The following STK10 variants were observed in gnomAD, a reference collection of about 807,000 sequenced individuals.
The protein encoded by STK10 is serine/threonine-protein kinase 10.
In STK10, 78 loss-of-function variants were observed where a neutral mutation model predicts 113.8. That is an observed-to-expected ratio of 0.69 (90% CI 0.57 to 0.83). STK10 has a LOEUF of 0.83. Among genes scored for constraint, STK10 ranks in the 40% least tolerant of loss-of-function variants. The pLI is 0.00. For synonymous variants in STK10, 465 were observed against 494.7 expected (o/e 0.94, Z 0.80); for missense variants, 1,109 against 1,280.1 (o/e 0.87, Z 2.04).
chr5:172,159,658 C>T (rs1256504981), intron 1 of STK10, among the ~76,000 whole-genome samples: 1 of 151,304 alleles, frequency 6.6e-6, no homozygotes, highest in Non-Finnish European at 1.5e-5. Flanking sequence ...CTCATTTCTA[C>T]TAAAATACCA....
At position 172,061,141 on chromosome 5, in the gene STK10, CG is replaced by C; in HGVS notation, c.2209del (p.Arg737GlufsTer22). 1 of 1,610,368 alleles carries C rather than the reference CG, an allele frequency of 6.2e-7. No homozygotes were observed. Among genetic ancestry groups the C allele is most frequent in the Admixed American group, 1.7e-5 (1 of 59,330 alleles). ...CGCTGCCACTTGCACACCCCCACCT[CG>C]AAGGAGCTCCTGCTTCTTCATGAGG... ...ECLMKKQELL[R>X]DREAALWEME... On this transcript the variant is annotated frameshift_variant, in exon 14 of 19. Transcript: ENST00000176763. LOFTEE classifies it high-confidence loss of function.
At chr5:172,088,755 T>C (rs1398113008) in intron 10 of STK10, among the ~76,000 whole-genome samples, 1 of 152,122 alleles carries the variant, frequency 6.6e-6, no homozygotes, top group Non-Finnish European at 1.5e-5. Flanking sequence ...CAGACCCAGT[T>C]AGAATCTCAG....
chr5:172,053,927 CGGAA>C (rs1767688007), intron 17 of STK10, among the ~76,000 whole-genome samples: 1 of 152,202 alleles, frequency 6.6e-6, no homozygotes, highest in Admixed American at 6.5e-5. Context: ...AAAACGGATG[CGGAA>C]GGTGAATGGC....
intron 12 of STK10, among the ~76,000 whole-genome samples, chr5:172,068,884 CAA>C (rs57550509): frequency 7.9e-6 from 1 of 126,442 alleles, no homozygotes; most frequent in Admixed American, 7.9e-5. Context: ...GACTCTGCCT[CAA>C]AAAAAAAAAA....
rs377426324 is a variant in STK10 at position 172,056,585 on chromosome 5, C to T, written c.2337+764G>A. The stretch of plus-strand genomic sequence containing the variant: ...AAAAGAGCAAAAGAAAGACACACAC[C>T]GGGCAGGCACAGTGGCTCACGCCTG... On this transcript the variant is annotated intron_variant, in intron 15 of 18. Coordinates refer to ENST00000176763, the MANE Select transcript of STK10 (RefSeq NM_005990.4). Among the ~76,000 whole-genome samples, 10 of 152,014 alleles carry T rather than the reference C, an allele frequency of 6.6e-5. No individual in the cohort carries two copies. The South Asian group carries it at 1.9e-3, about 28-fold the overall frequency.
In STK10 at chr5:172,096,559, T is replaced by C. The variant is rs774847768; in HGVS notation, c.872A>G (p.His291Arg). 2 of 1,613,004 alleles carry C rather than the reference T, an allele frequency of 1.2e-6. No homozygotes were observed. Among genetic ancestry groups the C allele is most frequent in the Non-Finnish European group, 8.5e-7 (1 of 1,180,020 alleles). The change falls in exon 8 of 19, where the codon CAT becomes CGT. Residue 291 changes from histidine to arginine, a missense_variant and splice_region_variant. Transcript: ENST00000176763. ...ACTGGTGATGCTGCTGACGAAGGGATGCTGAGGGGGCAAGATGCACCCAGA... is the reference window on the plus strand; with the variant it reads ...ACTGGTGATGCTGCTGACGAAGGGACGCTGAGGGGGCAAGATGCACCCAGA... ...TRPSAAQLLE[H>R]PFVSSITSNK...
At chr5:172,124,763 T>C (rs1769583690) in intron 3 of STK10, among the ~76,000 whole-genome samples, 1 of 152,150 alleles carries the variant, frequency 6.6e-6, no homozygotes, top group Non-Finnish European at 1.5e-5. Flanking sequence ...CACAGGATAG[T>C]TGTATCCTGT....
At position 172,188,039 on chromosome 5, in the gene STK10, C is replaced by T; in HGVS notation, c.4G>A (p.Ala2Thr). 1 of 1,611,790 alleles carries T rather than the reference C, an allele frequency of 6.2e-7. No individual in the cohort carries two copies. The highest frequency in any genetic ancestry group is 8.5e-7 in the Non-Finnish European group (1 of 1,179,118). The change falls in exon 1 of 19, where the codon GCT becomes ACT. Residue 2 changes from alanine to threonine, a missense_variant. Physicochemically the swap from Ala to Thr is moderately conservative, Grantham distance 58. Around this residue, in one of 5 missense-constraint regions of STK10, gnomAD observed 57 missense variants for 53.6 expected, o/e 1.06. Transcript: ENST00000176763. The surrounding 1 kb of genome is among the most constrained non-coding windows in gnomAD (Gnocchi z 5.6). Reference protein sequence around the residue: MAFANFRRILRL... With the variant: MTFANFRRILRL... Reference sequence around the variant, plus strand: ...AGGATGCGGCGGAAATTGGCAAAAGCCATGGCCGGGGGCGCGGTGGCGCCG... The same window carrying T: ...AGGATGCGGCGGAAATTGGCAAAAGTCATGGCCGGGGGCGCGGTGGCGCCG...
intron 1 of STK10, among the ~76,000 whole-genome samples, chr5:172,183,226 G>C (rs1187649607): frequency 6.6e-6 from 1 of 151,960 alleles, no homozygotes; most frequent in Non-Finnish European, 1.5e-5. Flanking sequence ...ACAAAAAGAA[G>C]CAGAAAAATC....
In STK10 at chr5:172,156,769, C is replaced by T; in HGVS notation, c.176G>A (p.Gly59Asp). 6.2e-7 allele frequency: 1 copy of T among 1,613,922 alleles called. No individual in the cohort carries two copies. Among genetic ancestry groups the T allele is most frequent in the South Asian group, 1.1e-5 (1 of 91,068 alleles). The change falls in exon 2 of 19, where the codon GGT (glycine) becomes GAT (aspartate). Residue 59 changes from glycine to aspartate, a missense_variant. Physicochemically the swap from Gly to Asp is moderately conservative, Grantham distance 94 (BLOSUM62 -1). Transcript: ENST00000176763. ...AATGACTTTGGCCGCAGCCAAAGCA[C>T]CCGTCTCCTTATTCTTGGCCTGCAA... ...KVYKAKNKET[G>D]ALAAAKVIET...
chr5:172,124,850 T>A (rs910574341), intron 3 of STK10, among the ~76,000 whole-genome samples: 1 of 152,040 alleles, frequency 6.6e-6, no homozygotes, highest in African/African-American at 2.4e-5. Flanking sequence ...ATATGTTAAA[T>A]TTGAAAAAAC....
At chr5:172,162,712 C>A (rs1005005519) in intron 1 of STK10, among the ~76,000 whole-genome samples, 1 of 152,224 alleles carries the variant, frequency 6.6e-6, no homozygotes, top group Non-Finnish European at 1.5e-5. Context: ...ACCACCTTGA[C>A]CATGCTGAGC....
chr5:172,077,238 T>C (rs1170990269), intron 12 of STK10, among the ~76,000 whole-genome samples: 3 of 152,248 alleles, frequency 2.0e-5, no homozygotes, highest in African/African-American at 7.2e-5. Context: ...GCCATCTGGC[T>C]TTCAACTAAA....
chr5:172,153,302 A>C (rs1253390411), intron 2 of STK10, among the ~76,000 whole-genome samples: 1 of 148,184 alleles, frequency 6.7e-6, no homozygotes, highest in African/African-American at 2.6e-5. Flanking sequence ...GAAAGAAAGA[A>C]AGAAAGAAAG....
rs1485914308 is a variant in STK10, at chr5:172,082,423, T to C, written c.1892A>G (p.His631Arg). Residue 631 changes from histidine to arginine, a missense_variant, in exon 12 of 19, where the codon CAT (histidine) becomes CGT (arginine). Coordinates refer to ENST00000176763, the MANE Select transcript of STK10 (RefSeq NM_005990.4). This position sits in a 1 kb window ranked among gnomAD's most constrained non-coding sequence, Gnocchi z 4.3. ...KQQVEKMEQD[H>R]AVRRREEARR... Reference sequence around the variant, plus strand: ...GGCCTCCTCCCGGCGGCGCACGGCATGGTCTTGCTCCATCTTCTCCACTTG... The same window carrying C: ...GGCCTCCTCCCGGCGGCGCACGGCACGGTCTTGCTCCATCTTCTCCACTTG... 7 of 1,612,304 alleles carry C rather than the reference T, an allele frequency of 4.3e-6. No individual in the cohort carries two copies. The highest frequency in any genetic ancestry group is 5.1e-6 in the Non-Finnish European group (6 of 1,179,176).
chr5:172,052,981 C>G lies in STK10; in HGVS notation c.2714G>C (p.Ser905Thr), dbSNP rs55791916. The change falls in exon 18 of 19, where the codon AGC (serine) becomes ACC (threonine). Residue 905 changes from serine to threonine, a missense_variant. Coordinates refer to ENST00000176763, the MANE Select transcript of STK10 (RefSeq NM_005990.4). ...ETQKLKALDE[S>T]HNQNLKEWRD... ...CCATTCCTTCAGGTTCTGGTTATGG[C>G]TCTCATCCAGGGCCTTCAGTTTCTG... The G allele has an allele frequency of 5.1e-4, 823 of 1,614,130 alleles. 1 individual carries two copies. The highest frequency in any genetic ancestry group is 6.5e-4 in the Non-Finnish European group (771 of 1,180,062).
Position 172,044,846 on chromosome 5 carries a change from G to A in STK10, c.*36C>T, listed in dbSNP as rs376698281. 3 of 1,613,766 alleles carry A rather than the reference G, an allele frequency of 1.9e-6. No homozygotes were observed. Among genetic ancestry groups the A allele is most frequent in the Middle Eastern group, 1.7e-4 (1 of 5,998 alleles). On this transcript the variant is annotated 3_prime_UTR_variant, in exon 19 of 19. Transcript: ENST00000176763. The surrounding 1 kb of genome is among the most constrained non-coding windows in gnomAD (Gnocchi z 4.5). ...AGAGAATGAAGGAGAAGGCCCTGGG[G>A]CCCACCAAGCTGCCAGCCACAGCCC...
Position 172,055,783 on chromosome 5 carries a change from A to AGG in STK10, c.2338-9_2338-8dup. 2 of 1,472,594 alleles carry AGG rather than the reference A, an allele frequency of 1.4e-6. No homozygotes were observed. The highest frequency in any genetic ancestry group is 1.8e-6 in the Non-Finnish European group (2 of 1,101,654). The allele number at this position is 1,472,594 out of a possible 1,614,324, so 91.2% of individuals were successfully genotyped here. A position where few individuals can be genotyped will look rare whatever the true frequency, so the allele number is the denominator to read the frequency against. On this transcript the variant is annotated splice_region_variant and splice_polypyrimidine_tract_variant and intron_variant, in intron 15 of 18. Transcript: ENST00000176763. ...GCTGCATCTGCTCCCGCTCCTGGAG[A>AGG]GGAATATCCAGAGGGGCTGAGGGCA...
intron 1 of STK10, among the ~76,000 whole-genome samples, chr5:172,164,326 G>A (rs976286563): frequency 6.6e-6 from 1 of 151,516 alleles, no homozygotes; most frequent in Non-Finnish European, 1.5e-5. Flanking sequence ...TTGACTTCTA[G>A]CCTCCAGCCT....
Sources: gnomAD v4.1 joint callset for allele counts (sites outside exome capture counted in the v4.1 genomes callset) on GRCh38, gnomAD v4.1.1 for gene constraint, gnomAD v4.1.1 regional missense constraint, Gnocchi (gnomAD v3.1) non-coding constraint, MANE v1.5 for transcripts, NCBI Gene and HGNC (gene_info 2026-07-23, HGNC 2026-07-21) for gene names.